Variants in PPP4R3B observed in about 807,000 individuals in gnomAD.
PPP4R3B encodes serine/threonine-protein phosphatase 4 regulatory subunit 3B.
In PPP4R3B, 52 loss-of-function variants were observed where a neutral mutation model predicts 95.4. That is an observed-to-expected ratio of 0.54 (90% CI 0.44 to 0.69). PPP4R3B has a LOEUF of 0.69. Ranked by LOEUF, PPP4R3B falls within the 30% of genes least tolerant of loss-of-function variation. PPP4R3B has a pLI of 0.00. For synonymous variants in PPP4R3B, 407 were observed against 343.9 expected, an observed-to-expected ratio of 1.18 and a Z score of -2.03; for missense variants, 1,003 against 1,005.9, an observed-to-expected ratio of 1.00 and a Z score of 0.04.
intron 4 of PPP4R3B, chr2:55,591,462 T>C (rs565412744): frequency 1.3e-5 from 12 of 934,316 alleles, no homozygotes; most frequent in Admixed American, 6.2e-5. Context: ...CAAATACTTT[T>C]AGTCTTAATA....
chr2:55,582,209 A>G (rs1689536120), intron 7 of PPP4R3B, among the ~76,000 whole-genome samples: 1 of 152,216 alleles, frequency 6.6e-6, no homozygotes, highest in African/African-American at 2.4e-5. Flanking sequence ...ACACTGTGTT[A>G]TATAACAATC....
intron 16 of PPP4R3B, among the ~76,000 whole-genome samples, chr2:55,550,247 T>G (rs1375699467): frequency 6.6e-6 from 1 of 152,168 alleles, no homozygotes; most frequent in Admixed American, 6.6e-5. Context: ...ACTTCAAAAC[T>G]CAATTCTGCA....
rs1690656970 is a variant in PPP4R3B at position 55,589,510 on chromosome 2, C to CT, written c.922-555dup. ...GTTCTTGCGGTCCCCAAGGATATAA[C>CT]TAAATGACAAAGCACTACAATAACT... On this transcript the variant is annotated intron_variant, in intron 4 of 16. Transcript: ENST00000616407. Among the ~76,000 whole-genome samples the CT allele has an allele frequency of 8.5e-5, 13 of 152,266 alleles. No homozygotes were observed. The South Asian group carries it at 2.7e-3, about 32-fold the overall frequency.
chr2:55,605,976 A>G (rs1340589968), intron 2 of PPP4R3B, among the ~76,000 whole-genome samples: 1 of 151,670 alleles, frequency 6.6e-6, no homozygotes, highest in African/African-American at 2.4e-5. Flanking sequence ...ACCTTTTTTT[A>G]AAAAAACCAG....
At position 55,617,295 on chromosome 2, in the gene PPP4R3B, T is replaced by C. The variant is rs768043400; in HGVS notation, c.-10A>G. 1.9e-6 allele frequency: 3 copies of C among 1,586,976 alleles called. No homozygotes were observed. Reference sequence around the variant, plus strand: ...GCCGCGTATCCGACATGGTGGCTGCTGTCTCCACCGCTCTAGCCGCCGCCT... The same window carrying C: ...GCCGCGTATCCGACATGGTGGCTGCCGTCTCCACCGCTCTAGCCGCCGCCT... On this transcript the variant is annotated 5_prime_UTR_variant, in exon 1 of 17. Transcript: ENST00000616407.
intron 2 of PPP4R3B, among the ~76,000 whole-genome samples, chr2:55,611,843 C>G (rs957881641): frequency 6.6e-6 from 1 of 152,114 alleles, no homozygotes; most frequent in Non-Finnish European, 1.5e-5. Context: ...ATCCTCCCGT[C>G]TCACCTCCAG....
Position 55,549,960 on chromosome 2 carries a change from T to A in PPP4R3B, c.2501A>T (p.Asp834Val). 1 of 1,613,548 alleles carries A rather than the reference T, an allele frequency of 6.2e-7. No homozygotes were observed. The highest frequency in any genetic ancestry group is 8.5e-7 in the Non-Finnish European group (1 of 1,179,846). The change falls in exon 17 of 17, where the codon GAT becomes GTT. Residue 834 changes from aspartate to valine, a missense_variant. By Grantham distance (152) the Asp-to-Val change is radical. Transcript: ENST00000616407. ...CCTGGGGGACGATTCTTCTTCTTCATCTTCCTCTTCATCATCTGGATAATC... is the reference window on the plus strand; with the variant it reads ...CCTGGGGGACGATTCTTCTTCTTCAACTTCCTCTTCATCATCTGGATAATC... The part of the protein sequence containing the change: ...LVDYPDDEEE[D>V]EEEESSPRKR...
In PPP4R3B at chr2:55,568,350, A is replaced by G; in HGVS notation, c.1779T>C (p.Phe593=). 3 of 1,598,030 alleles carry G rather than the reference A, an allele frequency of 1.9e-6. No homozygotes were observed. The highest frequency in any genetic ancestry group is 2.6e-6 in the Non-Finnish European group (3 of 1,174,294). ...CTTTAAGTCCAATTATCCGCCTCATAAAGCGAAGGGCACCTAATTAAAAAT... is the reference window on the plus strand; with the variant it reads ...CTTTAAGTCCAATTATCCGCCTCATGAAGCGAAGGGCACCTAATTAAAAAT... ...HTFLALCALR[F]MRRIIGLKDE... Residue 593 remains phenylalanine, a synonymous_variant, in exon 13 of 17, where the codon TTT becomes TTC. Transcript: ENST00000616407.
chr2:55,609,302 G>A (rs1208204815), intron 2 of PPP4R3B, among the ~76,000 whole-genome samples: 1 of 152,048 alleles, frequency 6.6e-6, no homozygotes, highest in East Asian at 1.9e-4. Context: ...GACTACTACT[G>A]GCATGCTAGG....
intron 16 of PPP4R3B, among the ~76,000 whole-genome samples, chr2:55,551,426 T>C (rs182844305): frequency 6.6e-6 from 1 of 152,152 alleles, no homozygotes; most frequent in East Asian, 1.9e-4. Context: ...ATTGGTATAG[T>C]AGTATTTAGG....
chr2:55,584,295 T>C (rs1689832954), intron 7 of PPP4R3B, among the ~76,000 whole-genome samples: 1 of 152,190 alleles, frequency 6.6e-6, no homozygotes, highest in African/African-American at 2.4e-5. Flanking sequence ...TTTAAATATA[T>C]CAGTAGTGGG....
chr2:55,560,593 A>G (rs1686465686), intron 15 of PPP4R3B, among the ~76,000 whole-genome samples: 1 of 152,046 alleles, frequency 6.6e-6, no homozygotes, highest in African/African-American at 2.4e-5. Flanking sequence ...CCTGGCCAAC[A>G]GGGTGAAACC....
At chr2:55,586,032 GAAA>G (rs556976040) in intron 6 of PPP4R3B, among the ~76,000 whole-genome samples, 1 of 149,122 alleles carries the variant, frequency 6.7e-6, no homozygotes, top group Admixed American at 6.7e-5. Context: ...GGATTAGCAG[GAAA>G]AAAAAAGTAA....
chr2:55,558,540 G>A (rs560750336), intron 16 of PPP4R3B, among the ~76,000 whole-genome samples: 12 of 151,914 alleles, frequency 7.9e-5, no homozygotes, highest in African/African-American at 4.8e-5. Context: ...CCCGGGAGGC[G>A]GAGGTTGCAG....
intron 4 of PPP4R3B, among the ~76,000 whole-genome samples, chr2:55,596,640 T>G (rs890568849): frequency 1.1e-4 from 17 of 152,182 alleles, no homozygotes; most frequent in African/African-American, 4.1e-4. Context: ...CTGGCGAGTA[T>G]TCACAGGACA....
In PPP4R3B at chr2:55,549,505, A is replaced by G. The variant is rs72803527; in HGVS notation, c.*406T>C. The G allele has an allele frequency of 0.037, 5,952 of 161,058 alleles. 158 individuals carry two copies. Among genetic ancestry groups the G allele is most frequent in the South Asian group, 0.091 (499 of 5,508 alleles). The allele number at this position is 161,058 out of a possible 1,614,324, so 10.0% of individuals were successfully genotyped here. Reference sequence around the variant, plus strand: ...TTAAAACAACAACATGGCCAGCACCATTATACAAGTAATGTTATTGAGTTT... The same window carrying G: ...TTAAAACAACAACATGGCCAGCACCGTTATACAAGTAATGTTATTGAGTTT... On this transcript the variant is annotated 3_prime_UTR_variant, in exon 17 of 17. Coordinates refer to ENST00000616407, the MANE Select transcript of PPP4R3B (RefSeq NM_001122964.3).
At chr2:55,564,779 C>G in intron 14 of PPP4R3B, 123 bp downstream of exon 14, 2 of 1,157,472 alleles carry the variant, frequency 1.7e-6, no homozygotes, top group Non-Finnish European at 2.4e-6. Context: ...CCCTCCTATT[C>G]AACTCTATGC....
rs751725517 is a variant in PPP4R3B at position 55,579,811 on chromosome 2, G to A, written c.1366-30C>T. 5.8e-6 allele frequency: 8 copies of A among 1,379,322 alleles called. 1 individual carries two copies. In the South Asian group the frequency reaches 9.9e-5, roughly 17 times the overall value. 85.4% of individuals were successfully genotyped at this position (1,379,322 alleles called of 1,614,324 possible). ...AACATAGAATTTTTTAAACAATACTGTTACTTATGTAAATAAAAACATCTT... is the reference window on the plus strand; with the variant it reads ...AACATAGAATTTTTTAAACAATACTATTACTTATGTAAATAAAAACATCTT... On this transcript the variant is annotated intron_variant, in intron 8 of 16. Transcript: ENST00000616407.
At chr2:55,560,705 A>G (rs1686480632) in intron 15 of PPP4R3B, among the ~76,000 whole-genome samples, 1 of 141,552 alleles carries the variant, frequency 7.1e-6, no homozygotes, top group Admixed American at 7.4e-5. Flanking sequence ...TGAACCTGGG[A>G]GGCAGAGGTT....
Sources: allele counts gnomAD v4.1 joint callset (sites outside exome capture counted in the v4.1 genomes callset), GRCh38; gene constraint gnomAD v4.1.1; transcripts MANE v1.5; gene names NCBI Gene and HGNC (gene_info 2026-07-23, HGNC 2026-07-21).